Variants in SPIDR observed in about 807,000 individuals in gnomAD.
SPIDR encodes the protein scaffold protein involved in DNA repair.
A neutral mutation model predicts 104.6 loss-of-function variants in SPIDR; 93 were observed. The ratio of observed to expected loss-of-function variants is 0.89; its 90% CI spans 0.75 to 1.06. SPIDR has a LOEUF of 1.06. SPIDR is among the 50% of genes least tolerant of loss of function. The pLI, the probability that SPIDR is intolerant of heterozygous loss-of-function variation, is 0.00. For missense variants in SPIDR, 1,154 were observed against 1,111.2 expected, an observed-to-expected ratio of 1.04 and a Z score of -0.55; for synonymous variants, 431 against 416.9, an observed-to-expected ratio of 1.03 and a Z score of -0.41.
intron 19 of SPIDR, 83 bp from the exon 20 acceptor site, chr8:47,735,222 ACT>A: frequency 7.3e-7 from 1 of 1,362,854 alleles, no homozygotes. Flanking sequence ...AGGGCCTTCC[ACT>A]CTGGCTCTCT....
At chr8:47,422,053 G>A (rs924586694) in intron 7 of SPIDR, among the ~76,000 whole-genome samples, 1 of 152,336 alleles carries the variant, frequency 6.6e-6, no homozygotes, top group East Asian at 1.9e-4. Context: ...CTACTCGGAG[G>A]TCAGGGCCCC....
chr8:47,301,157 A>T (rs7838548), intron 5 of SPIDR, among the ~76,000 whole-genome samples: 5 of 152,036 alleles, frequency 3.3e-5, no homozygotes, highest in Admixed American at 3.3e-4. Context: ...TATATTTAGG[A>T]TAGTTAGCTC....
At chr8:47,617,967 T>G (rs1296175490) in intron 10 of SPIDR, among the ~76,000 whole-genome samples, 4 of 152,214 alleles carry the variant, frequency 2.6e-5, no homozygotes, top group Admixed American at 6.5e-5. Flanking sequence ...GTGACAATCA[T>G]GTCATCAAGA....
At chr8:47,415,859 T>C (rs2064183052) in intron 7 of SPIDR, among the ~76,000 whole-genome samples, 1 of 152,204 alleles carries the variant, frequency 6.6e-6, no homozygotes, top group African/African-American at 2.4e-5. Context: ...GAAGGGTCCA[T>C]CACCCCAAGG....
chr8:47,618,141 G>A lies in SPIDR; in HGVS notation c.1544+18945G>A, dbSNP rs551964425. On this transcript the variant is annotated intron_variant, in intron 10 of 19. Transcript: ENST00000297423. Reference sequence around the variant, plus strand: ...ACACGCTTTTGTGTACGTGGTTTGTGTTTGAATCAGAATTCCTCTCGTGTC... The same window carrying A: ...ACACGCTTTTGTGTACGTGGTTTGTATTTGAATCAGAATTCCTCTCGTGTC... Among the ~76,000 whole-genome samples, 4 of 152,266 alleles carry A rather than the reference G, an allele frequency of 2.6e-5. No individual in the cohort carries two copies. In the East Asian group the frequency reaches 7.7e-4, roughly 29 times the overall value.
At chr8:47,590,197 C>A (rs893262372) in intron 8 of SPIDR, among the ~76,000 whole-genome samples, 8 of 150,392 alleles carry the variant, frequency 5.3e-5, no homozygotes, top group Non-Finnish European at 8.9e-5. Flanking sequence ...AAAATTATTT[C>A]TTTTCACTTT....
rs575504117 is a variant in SPIDR, at chr8:47,644,057, G to T, written c.1545-29744G>T. Among the ~76,000 whole-genome samples, 17 of 152,282 alleles carry T rather than the reference G, an allele frequency of 1.1e-4. No homozygotes were observed. The South Asian group carries it at 3.5e-3, about 32-fold the overall frequency. Reference sequence around the variant, plus strand: ...ACGGGCTGTACCCTCAGTCTGTCCTGGAACCTCTGCATTCCACCCTCAGTC... The same window carrying T: ...ACGGGCTGTACCCTCAGTCTGTCCTTGAACCTCTGCATTCCACCCTCAGTC... On this transcript the variant is annotated intron_variant, in intron 10 of 19. Transcript: ENST00000297423.
chr8:47,727,284 C>A lies in SPIDR; in HGVS notation c.2426C>A (p.Pro809Gln), dbSNP rs199612363. 3 of 1,613,944 alleles carry A rather than the reference C, an allele frequency of 1.9e-6. No homozygotes were observed. The Admixed American group carries it at 5.0e-5, about 27-fold the overall frequency. The change falls in exon 17 of 20, where the codon CCG becomes CAG. Residue 809 changes from proline (P) to glutamine (Q), a missense_variant. Pro to Gln is a moderately conservative substitution (Grantham distance 76, BLOSUM62 -1). Transcript: ENST00000297423. ...MCGNGRLEQR[P>Q]EDRGAFSCGD... ...GGCAACGGGAGATTGGAACAGAGGC[C>A]GGAAGACAGGTAAGGGGACAGGAGC...
intron 5 of SPIDR, among the ~76,000 whole-genome samples, chr8:47,369,987 C>G (rs1587815878): frequency 6.9e-6 from 1 of 143,940 alleles, no homozygotes; most frequent in South Asian, 2.2e-4. Flanking sequence ...AAAGAAATCT[C>G]TTTTTTTTTT....
At chr8:47,539,125 T>C (rs2087570785) in intron 8 of SPIDR, among the ~76,000 whole-genome samples, 1 of 152,074 alleles carries the variant, frequency 6.6e-6, no homozygotes, top group Admixed American at 6.5e-5. Context: ...CCTCCCAAAG[T>C]GCTGGGATTA....
chr8:47,566,271 G>A (rs1262816350), intron 8 of SPIDR, among the ~76,000 whole-genome samples: 1 of 151,802 alleles, frequency 6.6e-6, no homozygotes, highest in Non-Finnish European at 1.5e-5. Flanking sequence ...CTCCCAAAGT[G>A]CTGGGATTAC....
Position 47,613,132 on chromosome 8 carries a change from A to G in SPIDR, c.1544+13936A>G, listed in dbSNP as rs578010931. Among the ~76,000 whole-genome samples the G allele has an allele frequency of 6.6e-5, 10 of 152,328 alleles. No individual in the cohort carries two copies. In the South Asian group the frequency reaches 1.4e-3, roughly 22 times the overall value. On this transcript the variant is annotated intron_variant, in intron 10 of 19. Transcript: ENST00000297423. ...AGTCACACCAAAGGAAATCCTGTAC[A>G]TATTAAGCAGTCCCTCCCCACTAAC... is the stretch of plus-strand genomic sequence containing the variant.
chr8:47,689,424 T>A lies in SPIDR; in HGVS notation c.1686-10979T>A, dbSNP rs140523184. On this transcript the variant is annotated intron_variant, in intron 11 of 19. Transcript: ENST00000297423. The stretch of plus-strand genomic sequence containing the variant: ...TACCGTTTATCGCAGGCCAATTAGG[T>A]CCGTTTTGTGTGATCTTCAAAATAA... Among the ~76,000 whole-genome samples the A allele has an allele frequency of 2.9e-3, 448 of 152,278 alleles. 2 individuals are homozygous for A. The highest frequency in any genetic ancestry group is 1.0e-2 in the African/African-American group (415 of 41,544).
At chr8:47,616,727 T>A (rs978988829) in intron 10 of SPIDR, among the ~76,000 whole-genome samples, 2 of 152,350 alleles carry the variant, frequency 1.3e-5, no homozygotes, top group Admixed American at 1.3e-4. Flanking sequence ...TACAGAGTGT[T>A]CCCACGTACT....
chr8:47,417,365 C>A (rs1469195846), intron 7 of SPIDR, among the ~76,000 whole-genome samples: 2 of 152,224 alleles, frequency 1.3e-5, no homozygotes, highest in Non-Finnish European at 2.9e-5. Flanking sequence ...ATTTGCATTT[C>A]TCTGATGGCC....
chr8:47,286,374 T>C (rs1473898513), intron 3 of SPIDR, among the ~76,000 whole-genome samples: 2 of 152,114 alleles, frequency 1.3e-5, no homozygotes, highest in African/African-American at 4.8e-5. Context: ...ATAAAGCTGG[T>C]AAATTCACCT....
chr8:47,680,664 G>A (rs939087566), intron 11 of SPIDR, among the ~76,000 whole-genome samples: 3 of 152,188 alleles, frequency 2.0e-5, no homozygotes, highest in Admixed American at 6.5e-5. Flanking sequence ...TTCCCTTGGG[G>A]TTTGAGGTCC....
chr8:47,347,280 G>A (rs1309257624), intron 5 of SPIDR, among the ~76,000 whole-genome samples: 1 of 152,168 alleles, frequency 6.6e-6, no homozygotes, highest in African/African-American at 2.4e-5. Flanking sequence ...TTAATCCTGA[G>A]ATCTAACTTG....
chr8:47,422,395 G>A (rs1294674729), intron 7 of SPIDR, among the ~76,000 whole-genome samples: 3 of 152,316 alleles, frequency 2.0e-5, no homozygotes, highest in South Asian at 2.1e-4. Context: ...TGTGGGCGTA[G>A]GACCCTCCGA....
Sources: gnomAD v4.1 joint callset for allele counts (sites outside exome capture counted in the v4.1 genomes callset) on GRCh38, gnomAD v4.1.1 for gene constraint, MANE v1.5 for transcripts, NCBI Gene and HGNC (gene_info 2026-07-23, HGNC 2026-07-21) for gene names.